CPXM2: variants seen among roughly 807,000 people sequenced by gnomAD.
CPXM2 encodes the protein inactive carboxypeptidase-like protein X2.
In CPXM2, 66 loss-of-function variants were observed where a neutral mutation model predicts 86.1. That is an observed-to-expected ratio of 0.77 (90% CI 0.63 to 0.94). The LOEUF is 0.94. CPXM2 is among the 40% of genes least tolerant of loss of function. The pLI is 0.00. For missense variants in CPXM2, 948 were observed against 1,026.3 expected (o/e 0.92, Z 1.04); for synonymous variants, 388 against 400.2 (o/e 0.97, Z 0.36).
intron 13 of CPXM2, chr10:123,751,230 C>T: frequency 4.5e-6 from 1 of 222,678 alleles, no homozygotes; most frequent in Non-Finnish European, 7.5e-6. Flanking sequence ...TTATTTAGTA[C>T]AGATTTAATG....
chr10:123,888,047 C>CA (rs1184295826), intron 1 of CPXM2, among the ~76,000 whole-genome samples: 1 of 152,160 alleles, frequency 6.6e-6, no homozygotes, highest in Non-Finnish European at 1.5e-5. Flanking sequence ...GCATGTCACA[C>CA]CCATTGGGCA....
chr10:123,844,275 T>C (rs1430127685), intron 3 of CPXM2, among the ~76,000 whole-genome samples: 1 of 152,068 alleles, frequency 6.6e-6, no homozygotes, highest in African/African-American at 2.4e-5. Flanking sequence ...AAATCGCTGA[T>C]AAATTTTGGA....
intron 2 of CPXM2, among the ~76,000 whole-genome samples, chr10:123,936,168 A>G (rs546559542): frequency 3.2e-4 from 48 of 152,320 alleles, no homozygotes; most frequent in Admixed American, 1.4e-3. Context: ...TATTTCATTT[A>G]ATCCCCAAAG....
At chr10:123,830,864 C>CTGTGTG (rs1296163012) in intron 4 of CPXM2, among the ~76,000 whole-genome samples, 1 of 97,974 alleles carries the variant, frequency 1.0e-5, no homozygotes, top group Non-Finnish European at 2.2e-5. Flanking sequence ...CTCTCTCTCT[C>CTGTGTG]TCTCTCTCTG....
At chr10:123,794,008 G>A (rs528318696) in intron 6 of CPXM2, among the ~76,000 whole-genome samples, 2 of 152,290 alleles carry the variant, frequency 1.3e-5, no homozygotes, top group South Asian at 2.1e-4. Flanking sequence ...AATTAAAATA[G>A]CTTTTCAATA....
chr10:123,801,020 T>C (rs536526320), intron 4 of CPXM2, among the ~76,000 whole-genome samples: 1 of 152,322 alleles, frequency 6.6e-6, no homozygotes, highest in Admixed American at 6.5e-5. Context: ...AGAAAGGTAC[T>C]GCCATTCACC....
chr10:123,848,018 G>C (rs1165655736), intron 3 of CPXM2, among the ~76,000 whole-genome samples: 1 of 152,222 alleles, frequency 6.6e-6, no homozygotes, highest in Non-Finnish European at 1.5e-5. Flanking sequence ...CCTCTCTGCA[G>C]ACGTATCCCA....
At chr10:123,833,686 C>T (rs1388199167) in intron 4 of CPXM2, among the ~76,000 whole-genome samples, 1 of 152,208 alleles carries the variant, frequency 6.6e-6, no homozygotes, top group Non-Finnish European at 1.5e-5. Flanking sequence ...GGCAAGATGG[C>T]CACTGGCCCA....
intron 4 of CPXM2, among the ~76,000 whole-genome samples, chr10:123,814,998 C>T (rs1288412413): frequency 6.6e-6 from 1 of 152,162 alleles, no homozygotes; most frequent in African/African-American, 2.4e-5. Flanking sequence ...GCACTCCAGC[C>T]TGGGCTACAG....
At chr10:123,928,181 GA>G (rs944363764) in intron 2 of CPXM2, among the ~76,000 whole-genome samples, 1 of 152,188 alleles carries the variant, frequency 6.6e-6, no homozygotes, top group African/African-American at 2.4e-5. Context: ...CTGAACAAGG[GA>G]GGCCACCAGA....
intron 2 of CPXM2, among the ~76,000 whole-genome samples, chr10:123,879,773 A>G (rs28738087): frequency 0.079 from 11,948 of 152,184 alleles, 801 homozygotes; most frequent in African/African-American, 0.18. Flanking sequence ...TGACTGTGAG[A>G]TGCCGGCCTA....
intron 2 of CPXM2, among the ~76,000 whole-genome samples, chr10:123,906,350 A>G (rs997010948): frequency 6.6e-6 from 1 of 152,158 alleles, no homozygotes; most frequent in Non-Finnish European, 1.5e-5. Flanking sequence ...GTCAGGCCCA[A>G]TGCTGAGTCA....
chr10:123,803,908 C>T (rs191954973), intron 4 of CPXM2, among the ~76,000 whole-genome samples: 1,628 of 152,224 alleles, frequency 0.011, 24 homozygotes, highest in African/African-American at 0.035. Flanking sequence ...GATCTGCCTG[C>T]CTCAGCCTCC....
At chr10:123,869,200 G>A (rs1186439375) in intron 2 of CPXM2, among the ~76,000 whole-genome samples, 1 of 152,178 alleles carries the variant, frequency 6.6e-6, no homozygotes, top group Non-Finnish European at 1.5e-5. Context: ...AAATAAGTAG[G>A]AAACTCATTG....
chr10:123,927,570 G>T (rs1260447863), intron 2 of CPXM2, among the ~76,000 whole-genome samples: 3 of 152,152 alleles, frequency 2.0e-5, no homozygotes, highest in East Asian at 3.9e-4. Context: ...CAAATGAATG[G>T]CAGAGCCAGG....
At chr10:123,752,213 A>C in intron 13 of CPXM2, 1 of 985,420 alleles carries the variant, frequency 1.0e-6, no homozygotes, top group Non-Finnish European at 1.2e-6. Context: ...CCAGCTATGC[A>C]ATCTACATTT....
At chr10:123,887,682 C>A (rs1260929726) in intron 1 of CPXM2, among the ~76,000 whole-genome samples, 1 of 151,962 alleles carries the variant, frequency 6.6e-6, no homozygotes, top group Non-Finnish European at 1.5e-5. Context: ...AACCCCCTTC[C>A]TCCTCTGTTG....
intron 11 of CPXM2, among the ~76,000 whole-genome samples, chr10:123,759,229 C>T (rs773937165): frequency 1.1e-4 from 17 of 152,166 alleles, no homozygotes; most frequent in Non-Finnish European, 2.1e-4. Context: ...ACAGACAGTG[C>T]AAGAAGGCCA....
chr10:123,794,369 A>AATG (rs1847277086), intron 6 of CPXM2, among the ~76,000 whole-genome samples: 2 of 152,166 alleles, frequency 1.3e-5, no homozygotes, highest in Non-Finnish European at 2.9e-5. Flanking sequence ...AAGCACTGCC[A>AATG]CCCCAGTATC....
Sources: gnomAD v4.1 joint callset for allele counts (sites outside exome capture counted in the v4.1 genomes callset) on GRCh38, gnomAD v4.1.1 for gene constraint, MANE v1.5 for transcripts, NCBI Gene and HGNC (gene_info 2026-07-23, HGNC 2026-07-21) for gene names.